Variants in SEMA4B observed in about 807,000 individuals in gnomAD.
SEMA4B encodes semaphorin-4B.
In SEMA4B, 55 loss-of-function variants were observed where a neutral mutation model predicts 88.1. The observed-to-expected ratio is 0.62, with a 90% CI of 0.50 to 0.78. The LOEUF (loss-of-function observed/expected upper bound fraction) is 0.78, where lower values mean the gene tolerates loss of function less well. Ranked by LOEUF, SEMA4B falls within the 30% of genes least tolerant of loss-of-function variation. SEMA4B has a pLI of 0.00. For missense variants in SEMA4B, 1,062 were observed against 1,111.9 expected (o/e 0.96, Z 0.64); for synonymous variants, 525 against 473.6 (o/e 1.11, Z -1.41).
upstream of SEMA4B, among the ~76,000 whole-genome samples, chr15:90,197,878 A>C (rs577388209): frequency 1.3e-5 from 2 of 152,148 alleles, no homozygotes; most frequent in Non-Finnish European, 2.9e-5. Context: ...GTGGGATGAC[A>C]TCTGAGCCAG....
intron 9 of SEMA4B, 59 bp downstream of exon 9, chr15:90,224,047 A>G (rs950318731): frequency 4.2e-5 from 64 of 1,531,032 alleles, no homozygotes; most frequent in Non-Finnish European, 5.4e-5. Context: ...TCCCCACACC[A>G]TGCTGGGAGC....
At chr15:90,214,633 CAAAAA>C (rs766089827) in intron 1 of SEMA4B, among the ~76,000 whole-genome samples, 1 of 94,278 alleles carries the variant, frequency 1.1e-5, no homozygotes, top group Non-Finnish European at 2.0e-5. Context: ...AACACCATCT[CAAAAA>C]AAAAAAAAAA....
In SEMA4B at chr15:90,219,947, C is replaced by G. The variant is rs1282842863; in HGVS notation, c.483+56C>G. On this transcript the variant is annotated intron_variant, in intron 4 of 13. Coordinates refer to ENST00000411539, the MANE Select transcript of SEMA4B (RefSeq NM_198925.4). ...ACCTGGGAACTGCCCCTCTTTCTGC[C>G]CCAGGGATCCTGTTCTGTAGCATAG... The G allele has an allele frequency of 6.7e-6, 9 of 1,340,108 alleles. No individual in the cohort carries two copies. The East Asian group carries it at 1.8e-4, about 27-fold the overall frequency. The allele number at this position is 1,340,108 out of a possible 1,614,324, so 83.0% of individuals were successfully genotyped here. A position where few individuals can be genotyped will look rare whatever the true frequency, so the allele number is the denominator to read the frequency against.
At chr15:90,210,192 A>C (rs1049077181) in intron 1 of SEMA4B, among the ~76,000 whole-genome samples, 1 of 152,152 alleles carries the variant, frequency 6.6e-6, no homozygotes, top group African/African-American at 2.4e-5. Flanking sequence ...CACCCAGGTG[A>C]GTGGTGCCAC....
exon 1 of SEMA4B, chr15:90,184,970 T>G: frequency 1.0e-6 from 1 of 985,672 alleles, no homozygotes; most frequent in Non-Finnish European, 1.2e-6. Context: ...AGACTCCGGG[T>G]CCCCAGGGGC....
At chr15:90,189,742 G>T (rs112662356) in intron 1 of SEMA4B, among the ~76,000 whole-genome samples, 43 of 152,284 alleles carry the variant, frequency 2.8e-4, no homozygotes, top group Admixed American at 6.5e-4. Context: ...GGCGGGGAGT[G>T]GGGGCTGGTA....
intron 1 of SEMA4B, among the ~76,000 whole-genome samples, chr15:90,207,306 G>A (rs1961040508): frequency 1.4e-5 from 2 of 145,440 alleles, no homozygotes; most frequent in Non-Finnish European, 1.5e-5. Context: ...TGGCGAGGGG[G>A]TTTCAGTGGG....
Position 90,223,974 on chromosome 15 carries a change from C to A in SEMA4B, c.1180C>A (p.Pro394Thr). ...CACCGTGACCCACCCGGTGCCCACA[C>A]CCCGGCCTGGAGCGGTGGGTACTGG... The part of the protein sequence containing the change: ...WYTVTHPVPT[P>T]RPGACITNSA... The change falls in exon 9 of 14, where the codon CCC (proline) becomes ACC (threonine). Residue 394 changes from proline (P) to threonine (T), a missense_variant. Coordinates refer to ENST00000411539, the MANE Select transcript of SEMA4B (RefSeq NM_198925.4). 1 of 1,613,080 alleles carries A rather than the reference C, an allele frequency of 6.2e-7. No homozygotes were observed. Among genetic ancestry groups the A allele is most frequent in the Non-Finnish European group, 8.5e-7 (1 of 1,179,724 alleles).
rs937622700 is a variant in SEMA4B, at chr15:90,223,676, A to T, written c.979A>T (p.Thr327Ser). 6.2e-7 allele frequency: 1 copy of T among 1,613,500 alleles called. No individual in the cohort carries two copies. The highest frequency in any genetic ancestry group is 8.5e-7 in the Non-Finnish European group (1 of 1,179,730). The change falls in exon 8 of 14, where the codon ACG (threonine) becomes TCG (serine). Residue 327 changes from threonine to serine, a missense_variant. Thr to Ser is a moderately conservative substitution (Grantham distance 58). Coordinates refer to ENST00000411539, the MANE Select transcript of SEMA4B (RefSeq NM_198925.4). The stretch of plus-strand genomic sequence containing the variant: ...CTTCAACGTGCTGCAGGATGTCTTC[A>T]CGCTGAGCCCCAGCCCCCAGGACTG... Reference protein sequence around the residue: ...FPFNVLQDVFTLSPSPQDWRD... With the variant: ...FPFNVLQDVFSLSPSPQDWRD...
chr15:90,203,243 T>G (rs1286741640), intron 1 of SEMA4B, among the ~76,000 whole-genome samples: 2 of 152,216 alleles, frequency 1.3e-5, no homozygotes, highest in African/African-American at 4.8e-5. Flanking sequence ...TTAGTTTGAC[T>G]GTAGCCCCTT....
chr15:90,187,300 G>A lies in SEMA4B; in HGVS notation c.-122+2219G>A, dbSNP rs182544913. On this transcript the variant is annotated intron_variant, in intron 1 of 14. Transcript: ENST00000332496. ...CCGTGTGGTGCTGTTTCCTTTGAAAGGGATAACAGAAAAGTGGGGGAAAAG... is the reference window on the plus strand; with the variant it reads ...CCGTGTGGTGCTGTTTCCTTTGAAAAGGATAACAGAAAAGTGGGGGAAAAG... 2.0e-5 allele frequency among the ~76,000 whole-genome samples: 3 copies of A among 152,354 alleles called. No individual in the cohort carries two copies. In the East Asian group the frequency reaches 5.8e-4, roughly 29 times the overall value.
chr15:90,227,992 C>G lies in SEMA4B; in HGVS notation c.1863C>G (p.Leu621=), dbSNP rs1365261992. The change falls in exon 14 of 14, where the codon CTC becomes CTG. Residue 621 remains leucine (L), a synonymous_variant. Transcript: ENST00000411539. ...CPLLSNLATR[L]WLRNGAPVNA... ...TCCTCTCCAACCTGGCGACCCGACTCTGGCTACGCAACGGGGCCCCCGTCA... is the reference window on the plus strand; with the variant it reads ...TCCTCTCCAACCTGGCGACCCGACTGTGGCTACGCAACGGGGCCCCCGTCA... The G allele has an allele frequency of 1.2e-6, 2 of 1,613,808 alleles. No individual in the cohort carries two copies. The highest frequency in any genetic ancestry group is 1.3e-5 in the African/African-American group (1 of 74,942).
In SEMA4B at chr15:90,228,076, A is replaced by G; in HGVS notation, c.1947A>G (p.Gln649=). The G allele has an allele frequency of 6.2e-7, 1 of 1,613,336 alleles. No homozygotes were observed. Among genetic ancestry groups the G allele is most frequent in the Middle Eastern group, 1.7e-4 (1 of 6,060 alleles). Residue 649 remains glutamine (Q), a synonymous_variant, in exon 14 of 14, where the codon CAA becomes CAG. Transcript: ENST00000411539. ...PTGDLLLVGT[Q]QLGEFQCWSL... Reference sequence around the variant, plus strand: ...GGGACCTGCTGCTGGTGGGCACCCAACAGCTGGGGGAGTTCCAGTGCTGGT... The same window carrying G: ...GGGACCTGCTGCTGGTGGGCACCCAGCAGCTGGGGGAGTTCCAGTGCTGGT...
intron 1 of SEMA4B, among the ~76,000 whole-genome samples, chr15:90,215,529 G>C (rs536439993): frequency 6.6e-6 from 1 of 152,304 alleles, no homozygotes; most frequent in Non-Finnish European, 1.5e-5. Flanking sequence ...TGTGTACCAA[G>C]GTCTGGGCGC....
At position 90,221,650 on chromosome 15, in the gene SEMA4B, G is replaced by C; in HGVS notation, c.746G>C (p.Ser249Thr). Residue 249 changes from serine (S) to threonine (T), a missense_variant, in exon 7 of 14, where the codon AGC becomes ACC. Physicochemically the swap from Ser to Thr is moderately conservative, Grantham distance 58. Transcript: ENST00000411539. ...AFVASAYIPE[S>T]LGSLQGDDDK... ...GTGGCCTCAGCCTACATTCCTGAGA[G>C]CCTGGGCAGCTTGCAAGGCGATGAT... 1 of 1,614,042 alleles carries C rather than the reference G, an allele frequency of 6.2e-7. No homozygotes were observed. The highest frequency in any genetic ancestry group is 8.5e-7 in the Non-Finnish European group (1 of 1,179,912).
intron 1 of SEMA4B, among the ~76,000 whole-genome samples, chr15:90,208,956 G>C (rs1475537551): frequency 1.3e-5 from 2 of 151,970 alleles, no homozygotes; most frequent in Admixed American, 1.3e-4. Context: ...TGCCCAGGCT[G>C]GTCTCGAGCT....
chr15:90,198,175 C>A (rs1192849104), upstream of SEMA4B, among the ~76,000 whole-genome samples: 3 of 151,984 alleles, frequency 2.0e-5, no homozygotes, highest in Non-Finnish European at 2.9e-5. Context: ...CCTCGGCCTC[C>A]TAAAGTGCTG....
chr15:90,199,649 A>C (rs956735054), upstream of SEMA4B, among the ~76,000 whole-genome samples: 1 of 152,056 alleles, frequency 6.6e-6, no homozygotes, highest in African/African-American at 2.4e-5. Context: ...ACATTGTGAA[A>C]CCCTGTCTCT....
intron 1 of SEMA4B, among the ~76,000 whole-genome samples, chr15:90,203,911 C>T (rs912119125): frequency 1.3e-5 from 2 of 152,232 alleles, no homozygotes; most frequent in Non-Finnish European, 2.9e-5. Flanking sequence ...CTTGTGAGCA[C>T]GTATCTATAG....
Sources: gnomAD v4.1 joint callset for allele counts (sites outside exome capture counted in the v4.1 genomes callset) on GRCh38, gnomAD v4.1.1 for gene constraint, MANE v1.5 for transcripts, NCBI Gene and HGNC (gene_info 2026-07-23, HGNC 2026-07-21) for gene names.